KIF17: variants seen among roughly 807,000 people sequenced by gnomAD.
KIF17 encodes the protein kinesin family member 17.
Under a neutral mutation model 96.8 loss-of-function variants are expected in KIF17, and 80 were observed. The observed-to-expected ratio is 0.83, with a 90% CI of 0.69 to 1.00. KIF17 has a LOEUF of 1.00. KIF17 is among the 50% of genes least tolerant of loss of function. The pLI is 0.00. For missense variants in KIF17, 1,280 were observed against 1,372.9 expected, an observed-to-expected ratio of 0.93 and a Z score of 1.07; for synonymous variants, 567 against 587.5, an observed-to-expected ratio of 0.97 and a Z score of 0.51.
At chr1:20,667,045 C>T (rs1047178541) in intron 13 of KIF17, among the ~76,000 whole-genome samples, 1 of 152,172 alleles carries the variant, frequency 6.6e-6, no homozygotes, top group Non-Finnish European at 1.5e-5. Context: ...TCTCCCCAAG[C>T]TCTAGTTTCA....
intron 14 of KIF17, among the ~76,000 whole-genome samples, chr1:20,665,933 CT>C (rs2053518857): frequency 6.6e-6 from 1 of 152,230 alleles, no homozygotes; most frequent in Non-Finnish European, 1.5e-5. Flanking sequence ...AGCCAGGCCC[CT>C]GAGCCATGCA....
chr1:20,715,583 C>T lies in KIF17; in HGVS notation c.288G>A (p.Gly96=). The T allele has an allele frequency of 1.9e-6, 3 of 1,613,342 alleles. No homozygotes were observed. Among genetic ancestry groups the T allele is most frequent in the Non-Finnish European group, 1.7e-6 (2 of 1,179,706 alleles). The change falls in exon 2 of 15, where the codon GGG becomes GGA. Residue 96 remains glycine (G), a synonymous_variant. Coordinates refer to ENST00000400463, the MANE Select transcript of KIF17 (RefSeq NM_001122819.3). The part of the protein sequence containing the change: ...TIFAYGQTGS[G]KSFTMQGLPD... ...GCAGGCCCTGCATGGTGAAGGACTT[C>T]CCGCTGCCTGTCTGGCCGTAGGCAA...
chr1:20,689,294 C>A (rs1285132286), intron 7 of KIF17, among the ~76,000 whole-genome samples: 1 of 152,148 alleles, frequency 6.6e-6, no homozygotes, highest in East Asian at 1.9e-4. Flanking sequence ...TCTGGACCTC[C>A]AGGCAGCATG....
At chr1:20,712,025 C>T (rs1365550141) in intron 3 of KIF17, among the ~76,000 whole-genome samples, 1 of 152,136 alleles carries the variant, frequency 6.6e-6, no homozygotes, top group Non-Finnish European at 1.5e-5. Context: ...TTTCAGCAAG[C>T]GCATCTGTCA....
chr1:20,662,775 C>T (rs2053458923), downstream of KIF17, among the ~76,000 whole-genome samples: 1 of 152,240 alleles, frequency 6.6e-6, no homozygotes, highest in African/African-American at 2.4e-5. Flanking sequence ...GCCTTTAACA[C>T]CCTGAGTTCC....
intron 8 of KIF17, chr1:20,686,383 G>GA: frequency 1.8e-6 from 1 of 563,304 alleles, no homozygotes; most frequent in East Asian, 3.0e-5. Context: ...CCACTCCTCT[G>GA]AAGCAACCTC....
intron 11 of KIF17, among the ~76,000 whole-genome samples, chr1:20,675,599 A>C (rs2053725273): frequency 6.6e-6 from 1 of 152,194 alleles, no homozygotes; most frequent in African/African-American, 2.4e-5. Context: ...GCAACCAGGA[A>C]GTGTGATTCC....
chr1:20,684,841 C>T lies in KIF17; in HGVS notation c.2199G>A (p.Leu733=), dbSNP rs1381896064. Residue 733 remains leucine (L), a synonymous_variant, in exon 10 of 15, where the codon CTG becomes CTA. Coordinates refer to ENST00000400463, the MANE Select transcript of KIF17 (RefSeq NM_001122819.3). ...GCACCTGCTGCTGGTCCACAACGGG[C>T]AGCGGGTCATCAGTCAGCACTGCCA... The part of the protein sequence containing the change: ...MEVAVLTDDP[L]PVVDQQQVLA... The T allele has an allele frequency of 5.7e-6, 9 of 1,592,704 alleles. No homozygotes were observed. Among genetic ancestry groups the T allele is most frequent in the Non-Finnish European group, 7.7e-6 (9 of 1,170,008 alleles).
At chr1:20,668,048 T>C (rs562457604) in intron 13 of KIF17, among the ~76,000 whole-genome samples, 16 of 147,552 alleles carry the variant, frequency 1.1e-4, no homozygotes, top group East Asian at 2.0e-4. Flanking sequence ...CGGTGGCTCA[T>C]GCCTGTAATC....
In KIF17 at chr1:20,712,840, A is replaced by C. The variant is rs570868378; in HGVS notation, c.480+614T>G. ...ATAATATAGATATTATCTATATTAT[A>C]GATATAGATAATATTATCTATATTA... On this transcript the variant is annotated intron_variant, in intron 3 of 14. Coordinates refer to ENST00000400463, the MANE Select transcript of KIF17 (RefSeq NM_001122819.3). Among the ~76,000 whole-genome samples, 4 of 15,738 alleles carry C rather than the reference A, an allele frequency of 2.5e-4. 1 individual carries two copies. Among genetic ancestry groups the C allele is most frequent in the Non-Finnish European group, 6.9e-4 (4 of 5,778 alleles). 10.3% of individuals were successfully genotyped at this position (15,738 alleles called of 152,430 possible). A position where few individuals can be genotyped will look rare whatever the true frequency, so the allele number is the denominator to read the frequency against.
intron 7 of KIF17, 96 bp from the exon 8 acceptor site, chr1:20,688,040 G>A: frequency 9.3e-7 from 1 of 1,076,578 alleles, no homozygotes; most frequent in Non-Finnish European, 1.4e-6. Context: ...TGTTTTTTTT[G>A]TTTGTTTTTT....
intron 14 of KIF17, among the ~76,000 whole-genome samples, chr1:20,665,822 A>T (rs922464901): frequency 6.6e-6 from 1 of 152,214 alleles, no homozygotes; most frequent in African/African-American, 2.4e-5. Flanking sequence ...GTGGCCCTTG[A>T]TAAGTGAAGT....
At chr1:20,695,895 C>T (rs2054130023) in intron 6 of KIF17, among the ~76,000 whole-genome samples, 1 of 152,164 alleles carries the variant, frequency 6.6e-6, no homozygotes, top group Non-Finnish European at 1.5e-5. Flanking sequence ...CAGCACCCAG[C>T]ACGCGCTCAC....
intron 1 of KIF17, chr1:20,717,269 TG>T: frequency 1.7e-6 from 1 of 590,252 alleles, no homozygotes; most frequent in Non-Finnish European, 3.0e-6. Flanking sequence ...GCGGAGACGC[TG>T]GGGATAGTGC....
intron 7 of KIF17, among the ~76,000 whole-genome samples, chr1:20,689,503 T>C (rs1296824571): frequency 6.6e-6 from 1 of 151,922 alleles, no homozygotes; most frequent in Non-Finnish European, 1.5e-5. Flanking sequence ...ACACAAAAAT[T>C]AGCCGGGTGT....
At chr1:20,695,682 C>T (rs922197411) in intron 6 of KIF17, among the ~76,000 whole-genome samples, 2 of 150,958 alleles carry the variant, frequency 1.3e-5, no homozygotes, top group Non-Finnish European at 3.0e-5. Flanking sequence ...GGAGATCTAC[C>T]CGGAAGCTCC....
At chr1:20,698,205 TTGC>T (rs1490404084) in intron 6 of KIF17, among the ~76,000 whole-genome samples, 171 bp downstream of exon 6, 1 of 152,250 alleles carries the variant, frequency 6.6e-6, no homozygotes, top group East Asian at 1.9e-4. Context: ...CTCAGACTCT[TTGC>T]TGTGTGACCT....
Position 20,687,287 on chromosome 1 carries a change from G to A in KIF17, c.1938+101C>T, listed in dbSNP as rs1207436291. 1.7e-5 allele frequency: 22 copies of A among 1,318,528 alleles called. No individual in the cohort carries two copies. The highest frequency in any genetic ancestry group is 9.5e-5 in the South Asian group (8 of 84,616). 81.7% of individuals were successfully genotyped at this position (1,318,528 alleles called of 1,614,324 possible). On this transcript the variant is annotated intron_variant, in intron 8 of 14. Transcript: ENST00000400463. This position sits in a 1 kb window ranked among gnomAD's most constrained non-coding sequence, Gnocchi z 4.4. ...ACAGTGGAGCCACGGCCTGAGTGTC[G>A]GAGGCCATGTGTGTGAACAGTGTGT...
chr1:20,680,175 C>A (rs779568164), intron 11 of KIF17, among the ~76,000 whole-genome samples: 10 of 152,130 alleles, frequency 6.6e-5, no homozygotes, highest in Non-Finnish European at 1.3e-4. Context: ...AACTACACTT[C>A]ACTATACAAA....
Sources: allele counts gnomAD v4.1 joint callset (sites outside exome capture counted in the v4.1 genomes callset), GRCh38; gene constraint gnomAD v4.1.1; non-coding constraint Gnocchi (gnomAD v3.1); transcripts MANE v1.5; gene names NCBI Gene and HGNC (gene_info 2026-07-23, HGNC 2026-07-21).